The following PTPRB variants were observed in gnomAD, a reference collection of about 807,000 sequenced individuals.
PTPRB encodes protein tyrosine phosphatase receptor type B, also known as receptor-type tyrosine-protein phosphatase beta.
In PTPRB, 97 loss-of-function variants were observed where a neutral mutation model predicts 238.1. That is an observed-to-expected ratio of 0.41 (90% CI 0.35 to 0.48). The LOEUF is 0.48. PTPRB is among the 20% of genes least tolerant of loss of function. The probability of loss-of-function intolerance (pLI) is 0.30; values close to 1 mark genes in which losing one functional copy is unlikely to be tolerated. For missense variants in PTPRB, 2,292 were observed against 2,681.9 expected, an observed-to-expected ratio of 0.85 and a Z score of 3.21; for synonymous variants, 970 against 995.4, an observed-to-expected ratio of 0.97 and a Z score of 0.48.
chr12:70,569,406 C>G (rs370091415), intron 14 of PTPRB, among the ~76,000 whole-genome samples: 1 of 152,098 alleles, frequency 6.6e-6, no homozygotes, highest in Non-Finnish European at 1.5e-5. Flanking sequence ...GCCCAGCCTG[C>G]TTGTTAAAAT....
intron 2 of PTPRB, among the ~76,000 whole-genome samples, chr12:70,631,745 CA>C (rs1191663193): frequency 6.6e-6 from 1 of 152,088 alleles, no homozygotes; most frequent in Non-Finnish European, 1.5e-5. Flanking sequence ...AAAAAACAAA[CA>C]ACCCCATCAA....
At chr12:70,595,205 A>C (rs1247080639) in intron 5 of PTPRB, among the ~76,000 whole-genome samples, 1 of 152,086 alleles carries the variant, frequency 6.6e-6, no homozygotes, top group East Asian at 1.9e-4. Context: ...GGAACAGAAA[A>C]CCAAACACTG....
Position 70,552,923 on chromosome 12 carries a change from A to C in PTPRB, c.5241T>G (p.Phe1747Leu), listed in dbSNP as rs1877112438. Residue 1747 changes from phenylalanine to leucine, a missense_variant, in exon 21 of 34, where the codon TTT (phenylalanine) becomes TTG (leucine). Phe to Leu is a conservative substitution (Grantham distance 22). Around this residue, in one of 4 missense-constraint regions of PTPRB, gnomAD observed 683 missense variants for 862.0 expected, o/e 0.79. Coordinates refer to ENST00000334414, the MANE Select transcript of PTPRB (RefSeq NM_001109754.4). ...ASIRVYQTNY[F>L]ASKCAENPNS... ...TAGGATTTTCGGCACATTTGCTGGC[A>C]AAATAATTAGTCTGATACACCCGAA... The C allele has an allele frequency of 6.2e-7, 1 of 1,613,976 alleles. No homozygotes were observed. The highest frequency in any genetic ancestry group is 8.5e-7 in the Non-Finnish European group (1 of 1,179,884).
In PTPRB at chr12:70,566,603, TATC is replaced by T. The variant is rs896223404; in HGVS notation, c.3733_3735del (p.Asp1245del). 15 of 1,614,028 alleles carry T rather than the reference TATC, an allele frequency of 9.3e-6. No individual in the cohort carries two copies. In the African/African-American group the frequency reaches 1.9e-4, roughly 20 times the overall value. On this transcript the variant is annotated inframe_deletion, in exon 15 of 34. Transcript: ENST00000334414. ...ATTCCATTTTCAGTTAGAAGCAGGA[TATC>T]ATATCTTTCTGCCACACCAGCAGCT...
chr12:70,610,083 G>A (rs1884339329), intron 3 of PTPRB, among the ~76,000 whole-genome samples: 1 of 152,094 alleles, frequency 6.6e-6, no homozygotes, highest in Admixed American at 6.5e-5. Context: ...GCGCTGCCTC[G>A]CCCCAGCCCC....
chr12:70,569,134 C>T (rs778330967), intron 14 of PTPRB, among the ~76,000 whole-genome samples: 10 of 152,084 alleles, frequency 6.6e-5, no homozygotes, highest in Non-Finnish European at 1.2e-4. Flanking sequence ...CAGGGTCTCA[C>T]TCCGGTTGCC....
intron 16 of PTPRB, among the ~76,000 whole-genome samples, chr12:70,561,705 T>C (rs1164199915): frequency 1.3e-5 from 2 of 152,226 alleles, no homozygotes; most frequent in African/African-American, 4.8e-5. Context: ...TCCCCTCACC[T>C]TTAGGTCTCT....
intron 11 of PTPRB, among the ~76,000 whole-genome samples, chr12:70,574,325 G>A (rs1208874438): frequency 6.6e-6 from 1 of 152,146 alleles, no homozygotes; most frequent in Non-Finnish European, 1.5e-5. Flanking sequence ...ATTAGTGTTT[G>A]GAATATAGCT....
intron 32 of PTPRB, 127 bp downstream of exon 32, chr12:70,531,908 A>G (rs1873306045): frequency 9.7e-7 from 1 of 1,036,170 alleles, no homozygotes; most frequent in African/African-American, 1.6e-5. Context: ...ATCTACATGC[A>G]GTTCTTTTTT....
chr12:70,587,172 T>C lies in PTPRB; in HGVS notation c.2146A>G (p.Ile716Val), dbSNP rs1430703018. The C allele has an allele frequency of 1.9e-6, 3 of 1,613,652 alleles. No homozygotes were observed. The highest frequency in any genetic ancestry group is 1.3e-5 in the African/African-American group (1 of 75,024). Reference sequence around the variant, plus strand: ...AGGTCTCTGTCAGCTAGGGAAATGATGTATTTCTCCCATTCTGCTACAGGG... The same window carrying C: ...AGGTCTCTGTCAGCTAGGGAAATGACGTATTTCTCCCATTCTGCTACAGGG... ...QTPVAEWEKY[I>V]ISLADRDLLL... Residue 716 changes from isoleucine to valine, a missense_variant, in exon 9 of 34, where the codon ATC (isoleucine) becomes GTC (valine). Physicochemically the swap from Ile to Val is conservative, Grantham distance 29 (BLOSUM62 3). This residue lies in a region of PTPRB where 1,205 missense variants were observed against 1,287.8 expected (regional missense o/e 0.94). Coordinates refer to ENST00000334414, the MANE Select transcript of PTPRB (RefSeq NM_001109754.4).
intron 3 of PTPRB, among the ~76,000 whole-genome samples, chr12:70,620,183 T>C (rs79539062): frequency 0.029 from 4,447 of 152,294 alleles, 98 homozygotes; most frequent in Non-Finnish European, 0.042. Flanking sequence ...TGGGAGCTCA[T>C]ATAAACACTG....
chr12:70,610,431 CCCTATCTTCCTT>C (rs1566012004), intron 3 of PTPRB, among the ~76,000 whole-genome samples: 1 of 151,278 alleles, frequency 6.6e-6, no homozygotes, highest in Non-Finnish European at 1.5e-5. Flanking sequence ...GTCTCCCCCT[CCCTATCTTCCTT>C]CCTATCTTCC....
rs745917906 is a variant in PTPRB, at chr12:70,569,966, A to G, written c.3371-28T>C. On this transcript the variant is annotated intron_variant, in intron 13 of 33. Transcript: ENST00000334414. ...AAAACAGAAAATAAATTTAAAAGTCATCACTTAGAGAATGAACTGTTGAAA... is the reference window on the plus strand; with the variant it reads ...AAAACAGAAAATAAATTTAAAAGTCGTCACTTAGAGAATGAACTGTTGAAA... The G allele has an allele frequency of 3.2e-5, 50 of 1,569,440 alleles. No individual in the cohort carries two copies. The East Asian group carries it at 8.6e-4, about 27-fold the overall frequency.
At chr12:70,613,079 G>C (rs985264425) in intron 3 of PTPRB, among the ~76,000 whole-genome samples, 43 of 152,140 alleles carry the variant, frequency 2.8e-4, no homozygotes, top group African/African-American at 1.0e-3. Flanking sequence ...GGGTCATCAA[G>C]GGGTCTGGGA....
At chr12:70,538,363 G>A (rs1874510229) in intron 27 of PTPRB, 132 bp from the exon 28 acceptor site, 2 of 719,304 alleles carry the variant, frequency 2.8e-6, no homozygotes, top group Non-Finnish European at 4.5e-6. Context: ...TTTTGCAGAT[G>A]AGGCTCAGGC....
Position 70,590,137 on chromosome 12 carries a change from TACTGCTCCC to T in PTPRB, c.1868_1876del (p.Trp623_Gln625del). The T allele has an allele frequency of 6.2e-7, 1 of 1,613,850 alleles. No homozygotes were observed. The highest frequency in any genetic ancestry group is 8.5e-7 in the Non-Finnish European group (1 of 1,179,820). On this transcript the variant is annotated inframe_deletion, in exon 8 of 34. Coordinates refer to ENST00000334414, the MANE Select transcript of PTPRB (RefSeq NM_001109754.4). ...AGAATCATTGAAGAGTAGGATCCGATACTGCTCCCAGTCTCCAGCAGGGGGCGACCAGCT... is the reference window on the plus strand; with the variant it reads ...AGAATCATTGAAGAGTAGGATCCGATAGTCTCCAGCAGGGGGCGACCAGCT...
intron 32 of PTPRB, 101 bp from the exon 33 acceptor site, chr12:70,524,692 C>A: frequency 1.6e-6 from 2 of 1,262,878 alleles, no homozygotes; most frequent in East Asian, 2.7e-5. Flanking sequence ...ATATAGTTAG[C>A]AAATTTCTTG....
chr12:70,626,913 C>T (rs1028704378), intron 2 of PTPRB, among the ~76,000 whole-genome samples: 1 of 151,624 alleles, frequency 6.6e-6, no homozygotes, highest in African/African-American at 2.4e-5. Context: ...AAAGAGTGCA[C>T]CTAAAATACA....
At chr12:70,620,840 A>G (rs1166997960) in intron 3 of PTPRB, among the ~76,000 whole-genome samples, 1 of 152,176 alleles carries the variant, frequency 6.6e-6, no homozygotes, top group Non-Finnish European at 1.5e-5. Flanking sequence ...AGACAATGAA[A>G]ACTCAGGATG....
Sources: allele counts gnomAD v4.1 joint callset (sites outside exome capture counted in the v4.1 genomes callset), GRCh38; gene constraint gnomAD v4.1.1; regional missense constraint gnomAD v4.1.1; transcripts MANE v1.5; gene names NCBI Gene and HGNC (gene_info 2026-07-23, HGNC 2026-07-21).